Variants in ZFHX3 observed in about 807,000 individuals in gnomAD.
ZFHX3 encodes zinc finger homeobox protein 3.
Under a neutral mutation model 279.1 loss-of-function variants are expected in ZFHX3, and 42 were observed. The observed-to-expected ratio is 0.15, with a 90% CI of 0.12 to 0.19. ZFHX3 has a LOEUF of 0.19. Among genes scored for constraint, ZFHX3 ranks in the 10% least tolerant of loss-of-function variants. The pLI is 1.00. For missense variants in ZFHX3, 4,981 were observed against 4,754.0 expected (o/e 1.05, Z -1.40); for synonymous variants, 2,293 against 1,957.8 (o/e 1.17, Z -4.52).
chr16:73,784,625 T>C (rs1266617998), intron 1 of ZFHX3, among the ~76,000 whole-genome samples: 1 of 151,732 alleles, frequency 6.6e-6, no homozygotes, highest in African/African-American at 2.4e-5. Context: ...CACGTGCCTG[T>C]AGCCCCAGCT....
Position 73,796,690 on chromosome 16 carries a change from C to T in ZFHX3, c.-1608+94961G>A, listed in dbSNP as rs111579440. The T allele has an allele frequency of 3.4e-3, 516 of 152,382 alleles. 8 individuals are homozygous for T. The highest frequency in any genetic ancestry group is 0.012 in the African/African-American group (485 of 41,552). 9.4% of individuals were successfully genotyped at this position (152,382 alleles called of 1,614,324 possible). A position where few individuals can be genotyped will look rare whatever the true frequency, so the allele number is the denominator to read the frequency against. The stretch of plus-strand genomic sequence containing the variant: ...GGTCAAGGTCAGCCAGAGGTCATGG[C>T]ACCTCTGCTGATGGGTTCCTTAATG... On this transcript the variant is annotated intron_variant, in intron 1 of 17. Coordinates refer to the ZFHX3 transcript ENST00000641206.
intron 2 of ZFHX3, among the ~76,000 whole-genome samples, chr16:73,584,816 A>ATT (rs2051906260): frequency 6.6e-6 from 1 of 152,232 alleles, no homozygotes; most frequent in Admixed American, 6.5e-5. Flanking sequence ...ACAGAATGGG[A>ATT]GAAAATTTTT....
At chr16:73,170,724 A>G (rs1470700175) in intron 5 of ZFHX3, among the ~76,000 whole-genome samples, 1 of 152,198 alleles carries the variant, frequency 6.6e-6, no homozygotes, top group Non-Finnish European at 1.5e-5. Flanking sequence ...AGCTGGACAA[A>G]GGAAAAGAAT....
chr16:73,141,476 T>A lies in ZFHX3; in HGVS notation c.-1024+2276A>T, dbSNP rs916226164. ...GCAGTGGCTCGATCATAGTTTATTA[T>A]AGCCTCGAACTCCTGGGCTCAAGGG... On this transcript the variant is annotated intron_variant, in intron 6 of 17. Transcript: ENST00000641206. Among the ~76,000 whole-genome samples, 29 of 152,004 alleles carry A rather than the reference T, an allele frequency of 1.9e-4. 1 individual carries two copies. Among genetic ancestry groups the A allele is most frequent in the Admixed American group, 1.3e-3 (20 of 15,246 alleles).
intron 1 of ZFHX3, among the ~76,000 whole-genome samples, chr16:73,766,100 C>T (rs994077588): frequency 6.6e-6 from 1 of 152,160 alleles, no homozygotes; most frequent in Admixed American, 6.5e-5. Context: ...TTCTCCCAAT[C>T]CCACCCCTTG....
intron 3 of ZFHX3, among the ~76,000 whole-genome samples, chr16:73,404,744 C>T (rs892486367): frequency 1.6e-4 from 24 of 152,176 alleles, no homozygotes; most frequent in African/African-American, 4.8e-4. Context: ...GATGTCCCCG[C>T]GAGCCCAGAC....
chr16:73,731,514 A>G (rs2053569570), intron 1 of ZFHX3, among the ~76,000 whole-genome samples: 1 of 152,050 alleles, frequency 6.6e-6, no homozygotes, highest in East Asian at 1.9e-4. Context: ...TTTAATAATC[A>G]CCTGCAAAGT....
intron 2 of ZFHX3, among the ~76,000 whole-genome samples, chr16:73,506,661 C>G (rs191396078): frequency 1.3e-5 from 2 of 152,086 alleles, no homozygotes; most frequent in Admixed American, 1.3e-4. Context: ...TAGCCCTGAC[C>G]GCGACCAATC....
chr16:73,821,664 G>A (rs1023805899), intron 1 of ZFHX3, among the ~76,000 whole-genome samples: 1 of 152,230 alleles, frequency 6.6e-6, no homozygotes, highest in South Asian at 2.1e-4. Flanking sequence ...GAGGTATGAG[G>A]AAGCTAGATT....
At chr16:73,668,365 T>C (rs112707548) in intron 2 of ZFHX3, among the ~76,000 whole-genome samples, 2 of 152,110 alleles carry the variant, frequency 1.3e-5, no homozygotes, top group African/African-American at 4.8e-5. Flanking sequence ...TGCAGGTTTG[T>C]TACATAGGTA....
At chr16:73,003,236 G>C (rs1963561075) in intron 1 of ZFHX3, among the ~76,000 whole-genome samples, 1 of 151,102 alleles carries the variant, frequency 6.6e-6, no homozygotes, top group Non-Finnish European at 1.5e-5. Context: ...AATTTCCTTT[G>C]CACGACTCTC....
intron 2 of ZFHX3, chr16:73,679,553 A>G (rs2052989284): frequency 1.3e-5 from 2 of 152,200 alleles, no homozygotes; most frequent in Non-Finnish European, 2.9e-5. Flanking sequence ...AAACAAAAAC[A>G]AAAAACTCAT....
At chr16:73,845,525 C>T (rs1961427843) in intron 1 of ZFHX3, among the ~76,000 whole-genome samples, 1 of 151,590 alleles carries the variant, frequency 6.6e-6, no homozygotes, top group East Asian at 1.9e-4. Flanking sequence ...AAGGAGGAAA[C>T]ATCATCCATC....
chr16:72,844,202 A>G (rs376265121), intron 4 of ZFHX3, among the ~76,000 whole-genome samples: 19 of 152,332 alleles, frequency 1.2e-4, no homozygotes, highest in African/African-American at 4.1e-4. Flanking sequence ...GCCACAGAGA[A>G]CTAGCAAAAG....
intron 1 of ZFHX3, among the ~76,000 whole-genome samples, chr16:73,878,940 GATATATATAT>G (rs3082335): frequency 2.1e-5 from 3 of 141,038 alleles, no homozygotes; most frequent in East Asian, 4.7e-4. Flanking sequence ...AAAAAGATAA[GATATATATAT>G]ATATATATAT....
At chr16:72,873,507 G>C (rs1168608340) in intron 4 of ZFHX3, among the ~76,000 whole-genome samples, 1 of 152,086 alleles carries the variant, frequency 6.6e-6, no homozygotes, top group African/African-American at 2.4e-5. Context: ...TCAGCTACTC[G>C]TCATCATTCC....
At chr16:72,990,997 A>C (rs1008368596) in intron 1 of ZFHX3, among the ~76,000 whole-genome samples, 2 of 148,006 alleles carry the variant, frequency 1.4e-5, no homozygotes, top group Non-Finnish European at 2.9e-5. Context: ...AAAATTAAAA[A>C]AAAAAAAAGA....
intron 1 of ZFHX3, among the ~76,000 whole-genome samples, chr16:73,711,685 A>G (rs2053364682): frequency 6.6e-6 from 1 of 152,244 alleles, no homozygotes; most frequent in Non-Finnish European, 1.5e-5. Flanking sequence ...CAGAGAGAGG[A>G]GAAAAAATAA....
intron 2 of ZFHX3, among the ~76,000 whole-genome samples, chr16:73,478,958 C>T (rs552158891): frequency 6.6e-6 from 1 of 152,090 alleles, no homozygotes; most frequent in African/African-American, 2.4e-5. Flanking sequence ...AGGCTGAGGC[C>T]GGGGAATTGC....
Sources: allele counts gnomAD v4.1 joint callset (sites outside exome capture counted in the v4.1 genomes callset), GRCh38; gene constraint gnomAD v4.1.1; transcripts MANE v1.5; gene names NCBI Gene and HGNC (gene_info 2026-07-23, HGNC 2026-07-21).